Variants in PDE8B observed in about 807,000 individuals in gnomAD.
PDE8B encodes high affinity cAMP-specific and IBMX-insensitive 3',5'-cyclic phosphodiesterase 8B.
A neutral mutation model predicts 101.3 loss-of-function variants in PDE8B; 26 were observed. The observed-to-expected ratio is 0.26, with a 90% CI of 0.19 to 0.36. PDE8B has a LOEUF of 0.36. PDE8B is among the 10% of genes least tolerant of loss of function. The pLI is 1.00. For missense variants in PDE8B, 810 were observed against 1,163.1 expected (o/e 0.70, Z 4.42); for synonymous variants, 424 against 429.3 (o/e 0.99, Z 0.15).
chr5:77,324,629 G>A (rs1775718566), intron 2 of PDE8B, among the ~76,000 whole-genome samples: 1 of 152,158 alleles, frequency 6.6e-6, no homozygotes, highest in African/African-American at 2.4e-5. Flanking sequence ...AGCTCCATCA[G>A]CTTTACATTT....
At chr5:77,370,915 G>A (rs1341238241) in intron 10 of PDE8B, among the ~76,000 whole-genome samples, 2 of 152,138 alleles carry the variant, frequency 1.3e-5, no homozygotes, top group East Asian at 3.8e-4. Flanking sequence ...AATTTTTCGT[G>A]TGCTATTGGT....
intron 8 of PDE8B, among the ~76,000 whole-genome samples, chr5:77,349,918 A>G (rs78276614): frequency 0.015 from 2,232 of 152,250 alleles, 59 homozygotes; most frequent in African/African-American, 0.051. Context: ...CATATTTAAT[A>G]CCAGTATTTA....
chr5:77,137,438 T>A, the PDE8B span, among the ~76,000 whole-genome samples: 1 of 152,148 alleles, frequency 6.6e-6, no homozygotes, highest in African/African-American at 2.4e-5. Context: ...TGAGGTGCAC[T>A]CAGTCAACTA....
chr5:77,311,991 T>TATAA lies in PDE8B; in HGVS notation c.340-2_340-1insTAAA. 17 of 1,612,748 alleles carry TATAA rather than the reference T, an allele frequency of 1.1e-5. No individual in the cohort carries two copies. The highest frequency in any genetic ancestry group is 1.4e-5 in the Non-Finnish European group (17 of 1,178,706). On this transcript the variant is annotated splice_region_variant and splice_polypyrimidine_tract_variant and intron_variant, in intron 1 of 21. Coordinates refer to ENST00000264917, the MANE Select transcript of PDE8B (RefSeq NM_003719.5). ...CGCTTCTCTTGTGCTGTCCTTTATT[T>TATAA]AGCAGGTGTCTTCTGCGGAGGTGCG... is the stretch of plus-strand genomic sequence containing the variant.
intron 1 of PDE8B, among the ~76,000 whole-genome samples, chr5:77,268,328 G>T (rs1198361375): frequency 6.6e-6 from 1 of 152,050 alleles, no homozygotes; most frequent in Admixed American, 6.6e-5. Flanking sequence ...GTAAATGGGG[G>T]TATCCATCAC....
intron 10 of PDE8B, among the ~76,000 whole-genome samples, chr5:77,378,007 T>A (rs1485476853): frequency 4.7e-5 from 5 of 105,468 alleles, no homozygotes; most frequent in African/African-American, 2.1e-4. Context: ...TCCCTCTCTC[T>A]CTACACACAC....
chr5:77,355,930 G>A (rs2150503987), intron 10 of PDE8B, among the ~76,000 whole-genome samples: 1 of 152,282 alleles, frequency 6.6e-6, no homozygotes, highest in East Asian at 1.9e-4. Context: ...TGTAAATAAA[G>A]TTTTATTGGA....
the PDE8B span, among the ~76,000 whole-genome samples, chr5:77,186,247 C>T: frequency 6.6e-6 from 1 of 152,298 alleles, no homozygotes; most frequent in African/African-American, 2.4e-5. Context: ...TGCATTACCA[C>T]TTTAAAGCTC....
At chr5:77,242,929 G>A (rs988102640) in intron 1 of PDE8B, among the ~76,000 whole-genome samples, 11 of 152,160 alleles carry the variant, frequency 7.2e-5, no homozygotes, top group Middle Eastern at 3.2e-3. Flanking sequence ...GCCTCCCTAA[G>A]AGCTGGGATT....
chr5:77,291,818 A>G, intron 1 of PDE8B: 1 of 1,555,052 alleles, frequency 6.4e-7, no homozygotes, highest in South Asian at 1.1e-5. Flanking sequence ...GTTTTAGATG[A>G]ACATCCCTTA....
At chr5:77,180,684 G>A in the PDE8B span, among the ~76,000 whole-genome samples, 1 of 152,220 alleles carries the variant, frequency 6.6e-6, no homozygotes, top group African/African-American at 2.4e-5. Flanking sequence ...TTCCAGGCGG[G>A]AAGCACCTCG....
At chr5:77,353,561 A>G (rs998433783) in intron 10 of PDE8B, among the ~76,000 whole-genome samples, 155 bp downstream of exon 10, 2 of 152,104 alleles carry the variant, frequency 1.3e-5, no homozygotes, top group Non-Finnish European at 2.9e-5. Context: ...TTCCTCTGAC[A>G]AATCTTTTTA....
At chr5:77,400,311 C>T in intron 11 of PDE8B, 21 bp downstream of exon 11, 2 of 1,464,468 alleles carry the variant, frequency 1.4e-6, no homozygotes, top group Non-Finnish European at 1.9e-6. Context: ...TTCAATTGAA[C>T]TCTAACATAC....
chr5:77,290,525 A>G, intron 1 of PDE8B: 2 of 1,474,058 alleles, frequency 1.4e-6, no homozygotes, highest in Non-Finnish European at 9.5e-7. Flanking sequence ...GAGAAATAGT[A>G]AGACAGATTG....
upstream of PDE8B, chr5:77,210,510 G>T: frequency 2.0e-6 from 1 of 497,956 alleles, no homozygotes; most frequent in Non-Finnish European, 2.6e-6. This position sits in a 1 kb window ranked among gnomAD's most constrained non-coding sequence, Gnocchi z 4.9. Context: ...AGGCAGGCGG[G>T]CAGGCGGGCG....
At chr5:77,160,290 A>T in the PDE8B span, among the ~76,000 whole-genome samples, 1 of 152,178 alleles carries the variant, frequency 6.6e-6, no homozygotes, top group African/African-American at 2.4e-5. Context: ...ATCTCTCAGC[A>T]TGCATTGGGG....
the PDE8B span, among the ~76,000 whole-genome samples, chr5:77,154,058 A>G: frequency 6.6e-6 from 1 of 152,200 alleles, no homozygotes; most frequent in Admixed American, 6.5e-5. Flanking sequence ...AGGAAGAAAC[A>G]TTTCATAATT....
intron 10 of PDE8B, among the ~76,000 whole-genome samples, chr5:77,389,588 G>A (rs572788841): frequency 3.2e-4 from 48 of 152,194 alleles, no homozygotes; most frequent in African/African-American, 1.1e-3. Flanking sequence ...TCCCCATCAC[G>A]ATATTAAACC....
intron 20 of PDE8B, among the ~76,000 whole-genome samples, chr5:77,424,807 TTC>T (rs1197697664): frequency 7.3e-6 from 1 of 137,068 alleles, no homozygotes; most frequent in South Asian, 2.3e-4. Context: ...GTGAAACTGG[TTC>T]TGTTTTTTTG....
Sources: allele counts gnomAD v4.1 joint callset (sites outside exome capture counted in the v4.1 genomes callset), GRCh38; gene constraint gnomAD v4.1.1; non-coding constraint Gnocchi (gnomAD v3.1); transcripts MANE v1.5; gene names NCBI Gene and HGNC (gene_info 2026-07-23, HGNC 2026-07-21).